Variants in KIAA1958 observed in about 807,000 individuals in gnomAD.
The protein encoded by KIAA1958 is KIAA1958.
A neutral mutation model predicts 47.2 loss-of-function variants in KIAA1958; 14 were observed. The ratio of observed to expected loss-of-function variants is 0.30; its 90% CI spans 0.20 to 0.46. The LOEUF (loss-of-function observed/expected upper bound fraction) is 0.46. Among genes scored for constraint, KIAA1958 ranks in the 20% least tolerant of loss-of-function variants. The probability of loss-of-function intolerance (pLI) is 1.00; values close to 1 mark genes in which losing one functional copy is unlikely to be tolerated. For synonymous variants in KIAA1958, 354 were observed against 353.3 expected (o/e 1.00, Z -0.02); for missense variants, 803 against 909.2 (o/e 0.88, Z 1.50).
At chr9:112,546,710 C>T (rs554092624) in intron 1 of KIAA1958, among the ~76,000 whole-genome samples, 21 of 152,108 alleles carry the variant, frequency 1.4e-4, no homozygotes, top group Non-Finnish European at 2.5e-4. Context: ...ATATTACATG[C>T]TTCTGCTGTA....
chr9:112,543,692 C>A (rs929778400), intron 1 of KIAA1958, among the ~76,000 whole-genome samples: 1 of 151,696 alleles, frequency 6.6e-6, no homozygotes, highest in Non-Finnish European at 1.5e-5. Context: ...CCTGCCTCAG[C>A]CTTCCTGAGT....
chr9:112,501,856 C>A (rs1413426958), intron 1 of KIAA1958, among the ~76,000 whole-genome samples: 3 of 152,144 alleles, frequency 2.0e-5, no homozygotes, highest in African/African-American at 2.4e-5. Context: ...AAAATACTTG[C>A]AGCAATATGA....
intron 1 of KIAA1958, among the ~76,000 whole-genome samples, chr9:112,569,995 T>G (rs1471906463): frequency 6.6e-6 from 1 of 152,200 alleles, no homozygotes; most frequent in East Asian, 1.9e-4. Flanking sequence ...AGTTCTAGAA[T>G]TTTCAGATCT....
intron 1 of KIAA1958, among the ~76,000 whole-genome samples, chr9:112,557,083 C>T (rs1480217349): frequency 2.0e-5 from 3 of 152,092 alleles, no homozygotes; most frequent in Admixed American, 6.6e-5. Context: ...CTCACCCTCC[C>T]GAGTAGCTGG....
intron 2 of KIAA1958, among the ~76,000 whole-genome samples, chr9:112,633,117 T>C (rs1376671200): frequency 6.6e-6 from 1 of 152,100 alleles, no homozygotes; most frequent in Non-Finnish European, 1.5e-5. Context: ...TGGATTCTCT[T>C]CTGTAGCAAT....
intron 1 of KIAA1958, among the ~76,000 whole-genome samples, chr9:112,563,042 TTTC>T (rs1835362299): frequency 7.4e-6 from 1 of 135,756 alleles, no homozygotes. Flanking sequence ...TCTCTCTCTC[TTTC>T]TCTCTCTCTC....
intron 3 of KIAA1958, among the ~76,000 whole-genome samples, chr9:112,651,468 C>T (rs1008085714): frequency 1.3e-5 from 2 of 151,108 alleles, no homozygotes; most frequent in African/African-American, 4.9e-5. Context: ...AATCTCAGCT[C>T]ACTGCAACCT....
chr9:112,602,481 T>C (rs1252611352), intron 2 of KIAA1958, among the ~76,000 whole-genome samples: 1 of 152,188 alleles, frequency 6.6e-6, no homozygotes, highest in Non-Finnish European at 1.5e-5. Flanking sequence ...CAGTACCTAA[T>C]AGACAACATC....
rs1429600299 is a variant in KIAA1958 at position 112,667,197 on chromosome 9, CAACA to C, written c.*7133_*7136del. 1 of 152,062 alleles carries C rather than the reference CAACA, an allele frequency of 6.6e-6. No individual in the cohort carries two copies. The highest frequency in any genetic ancestry group is 1.5e-5 in the Non-Finnish European group (1 of 68,032). The allele number at this position is 152,062 out of a possible 1,614,324, so 9.4% of individuals were successfully genotyped here. On this transcript the variant is annotated 3_prime_UTR_variant, in exon 4 of 4. Coordinates refer to ENST00000337530, the MANE Select transcript of KIAA1958 (RefSeq NM_133465.4). ...CTGGGATTTAACTGAAAAAGGGATT[CAACA>C]AACATTCACATGAACAGGGTCTGGG...
chr9:112,532,238 G>C (rs531126803), intron 1 of KIAA1958, among the ~76,000 whole-genome samples: 52 of 152,118 alleles, frequency 3.4e-4, no homozygotes, highest in Non-Finnish European at 6.5e-4. Context: ...GTTTACAAAA[G>C]ATATATTCCA....
Position 112,597,263 on chromosome 9 carries a change from A to G in KIAA1958, c.1171+22012A>G, listed in dbSNP as rs1387164307. ...CAAAATAGCAATAATAATAGCCCACACTTCTAGTGTGCTTATTATCTCACT... is the reference window on the plus strand; with the variant it reads ...CAAAATAGCAATAATAATAGCCCACGCTTCTAGTGTGCTTATTATCTCACT... On this transcript the variant is annotated intron_variant, in intron 2 of 3. Transcript: ENST00000337530. Among the ~76,000 whole-genome samples, 4 of 152,220 alleles carry G rather than the reference A, an allele frequency of 2.6e-5. No individual in the cohort carries two copies. In the East Asian group the frequency reaches 7.7e-4, roughly 29 times the overall value.
chr9:112,597,665 T>C (rs1302390248), intron 2 of KIAA1958, among the ~76,000 whole-genome samples: 2 of 152,204 alleles, frequency 1.3e-5, no homozygotes, highest in African/African-American at 4.8e-5. Context: ...ATCAGAGTGT[T>C]TAACAGTTGA....
At chr9:112,597,264 C>T (rs1322773094) in intron 2 of KIAA1958, among the ~76,000 whole-genome samples, 1 of 152,352 alleles carries the variant, frequency 6.6e-6, no homozygotes, top group African/African-American at 2.4e-5. Flanking sequence ...ATAGCCCACA[C>T]TTCTAGTGTG....
At chr9:112,521,990 G>C (rs369532491) in intron 1 of KIAA1958, among the ~76,000 whole-genome samples, 1 of 16,934 alleles carries the variant, frequency 5.9e-5, no homozygotes, top group African/African-American at 1.8e-4. Flanking sequence ...TATTTATTTT[G>C]AGACGAGTTT....
chr9:112,617,689 G>T (rs1377590955), intron 2 of KIAA1958, among the ~76,000 whole-genome samples: 2 of 152,140 alleles, frequency 1.3e-5, no homozygotes, highest in African/African-American at 2.4e-5. Context: ...TAGATCTTTT[G>T]TGAAACTGAA....
chr9:112,628,650 T>G (rs1028978338), intron 2 of KIAA1958, among the ~76,000 whole-genome samples: 1 of 152,236 alleles, frequency 6.6e-6, no homozygotes, highest in African/African-American at 2.4e-5. Context: ...ATTAACAATT[T>G]AGCAGTGGGC....
rs1209639793 is a variant in KIAA1958 at position 112,666,214 on chromosome 9, C to G, written c.*6145C>G. 1 of 152,166 alleles carries G rather than the reference C, an allele frequency of 6.6e-6. No homozygotes were observed. Among genetic ancestry groups the G allele is most frequent in the Non-Finnish European group, 1.5e-5 (1 of 68,032 alleles). 9.4% of individuals were successfully genotyped at this position (152,166 alleles called of 1,614,324 possible). A position where few individuals can be genotyped will look rare whatever the true frequency, so the allele number is the denominator to read the frequency against. ...CTCGAACTCCGACCTCAGTGATCCACCTGCCTCGGCCTCCCAAAGTGGAAA... is the reference window on the plus strand; with the variant it reads ...CTCGAACTCCGACCTCAGTGATCCAGCTGCCTCGGCCTCCCAAAGTGGAAA... On this transcript the variant is annotated 3_prime_UTR_variant, in exon 4 of 4. Coordinates refer to ENST00000337530, the MANE Select transcript of KIAA1958 (RefSeq NM_133465.4).
intron 1 of KIAA1958, among the ~76,000 whole-genome samples, chr9:112,536,998 ACT>A (rs1834865762): frequency 6.6e-6 from 1 of 152,054 alleles, no homozygotes; most frequent in South Asian, 2.1e-4. Flanking sequence ...AATATTAGAG[ACT>A]CTATTAAAAG....
At chr9:112,568,191 G>A (rs1175070571) in intron 1 of KIAA1958, among the ~76,000 whole-genome samples, 1 of 152,116 alleles carries the variant, frequency 6.6e-6, no homozygotes, top group Non-Finnish European at 1.5e-5. Flanking sequence ...TAACAGTTAT[G>A]AGCAGATGAA....
Sources: allele counts gnomAD v4.1 joint callset (sites outside exome capture counted in the v4.1 genomes callset), GRCh38; gene constraint gnomAD v4.1.1; transcripts MANE v1.5; gene names NCBI Gene and HGNC (gene_info 2026-07-23, HGNC 2026-07-21).